RLF: variants seen among roughly 807,000 people sequenced by gnomAD.
RLF encodes zinc finger protein Rlf.
A neutral mutation model predicts 162.9 loss-of-function variants in RLF; 7 were observed. The observed-to-expected ratio is 0.04, with a 90% CI of 0.02 to 0.08. The LOEUF (loss-of-function observed/expected upper bound fraction) is 0.08. Ranked by LOEUF, RLF falls within the 10% of genes least tolerant of loss-of-function variation. The pLI is 1.00. For synonymous variants in RLF, 782 were observed against 791.5 expected, an observed-to-expected ratio of 0.99 and a Z score of 0.20; for missense variants, 1,664 against 2,244.7, an observed-to-expected ratio of 0.74 and a Z score of 5.23.
chr1:40,176,742 C>G (rs1435872282), intron 1 of RLF, among the ~76,000 whole-genome samples: 3 of 152,080 alleles, frequency 2.0e-5, no homozygotes, highest in Non-Finnish European at 2.9e-5. Flanking sequence ...TGTGCCTGGC[C>G]CTAATGACTT....
At chr1:40,221,440 A>T (rs1642992753) in intron 5 of RLF, among the ~76,000 whole-genome samples, 1 of 152,156 alleles carries the variant, frequency 6.6e-6, no homozygotes, top group Non-Finnish European at 1.5e-5. Context: ...ATGACCTCAG[A>T]AGTTAGGAAA....
chr1:40,232,771 C>G (rs1249555411), intron 7 of RLF, among the ~76,000 whole-genome samples: 1 of 152,194 alleles, frequency 6.6e-6, no homozygotes, highest in African/African-American at 2.4e-5. Flanking sequence ...GTGGTGCGAT[C>G]ATAGCTCATT....
At position 40,239,604 on chromosome 1, in the gene RLF, A is replaced by G; in HGVS notation, c.4902A>G (p.Ala1634=). ...GCCATTCCCCGGGTGACAGTAGTGC[A>G]CCCATCCAGAACACTGATTGCTGTC... is the stretch of plus-strand genomic sequence containing the variant. The part of the protein sequence containing the change: ...EHSHSPGDSS[A]PIQNTDCCHS... The change falls in exon 8 of 8, where the codon GCA becomes GCG. Residue 1634 remains alanine (A), a synonymous_variant. Transcript: ENST00000372771. The G allele has an allele frequency of 6.2e-7, 1 of 1,614,178 alleles. No homozygotes were observed. Among genetic ancestry groups the G allele is most frequent in the Non-Finnish European group, 8.5e-7 (1 of 1,180,028 alleles).
intron 6 of RLF, among the ~76,000 whole-genome samples, chr1:40,225,448 G>A (rs780363556): frequency 1.3e-5 from 2 of 150,886 alleles, no homozygotes; most frequent in South Asian, 2.1e-4. Context: ...GCGTGGTGGC[G>A]TGTGCCTGTA....
At chr1:40,208,031 G>A (rs1005600330) in intron 5 of RLF, among the ~76,000 whole-genome samples, 2 of 152,168 alleles carry the variant, frequency 1.3e-5, no homozygotes, top group African/African-American at 4.8e-5. Context: ...ATCAACTAAC[G>A]TATTTTTTCA....
chr1:40,181,826 G>A lies in RLF; in HGVS notation c.238-7229G>A, dbSNP rs141973744. 2.5e-3 allele frequency among the ~76,000 whole-genome samples: 382 copies of A among 152,220 alleles called. 1 individual carries two copies. The highest frequency in any genetic ancestry group is 8.7e-3 in the African/African-American group (363 of 41,522). ...ATTTTCCGGAGCAGAATTTGACACT[G>A]TGTAAAGCCTTAAAAATTATCCACC... On this transcript the variant is annotated intron_variant, in intron 1 of 7. Transcript: ENST00000372771.
Position 40,240,780 on chromosome 1 carries a change from A to T in RLF, c.*333A>T, listed in dbSNP as rs1366198958. On this transcript the variant is annotated 3_prime_UTR_variant, in exon 8 of 8. Transcript: ENST00000372771. ...TATATGGAACAAATACTAAGGTCCC[A>T]GGGTGGGAGGGCTAGGGAAAGGGAT... 1.4e-5 allele frequency: 3 copies of T among 218,712 alleles called. No individual in the cohort carries two copies. The highest frequency in any genetic ancestry group is 1.2e-4 in the East Asian group (1 of 8,436). The allele number at this position is 218,712 out of a possible 1,614,324, so 13.5% of individuals were successfully genotyped here. A position where few individuals can be genotyped will look rare whatever the true frequency, so the allele number is the denominator to read the frequency against.
rs1433393784 is a variant in RLF, at chr1:40,202,642, CTT to C, written c.810+29_810+30del. On this transcript the variant is annotated intron_variant, in intron 5 of 7. Transcript: ENST00000372771. ...GAGTAAATAATTGTTGTCATTCAAACTTGGTATTAATTTAATAGATTTATATA... is the reference window on the plus strand; with the variant it reads ...GAGTAAATAATTGTTGTCATTCAAACGGTATTAATTTAATAGATTTATATA... 2.3e-6 allele frequency: 3 copies of C among 1,301,590 alleles called. No homozygotes were observed. In the African/African-American group the frequency reaches 4.7e-5, roughly 20 times the overall value. The allele number at this position is 1,301,590 out of a possible 1,614,324, so 80.6% of individuals were successfully genotyped here.
At chr1:40,170,674 G>T (rs1050764560) in intron 1 of RLF, among the ~76,000 whole-genome samples, 1 of 152,014 alleles carries the variant, frequency 6.6e-6, no homozygotes, top group Non-Finnish European at 1.5e-5. Context: ...AGCTGACTCT[G>T]ACTGAGCTTT....
chr1:40,167,016 G>A (rs1202505837), intron 1 of RLF, among the ~76,000 whole-genome samples: 2 of 152,012 alleles, frequency 1.3e-5, no homozygotes, highest in African/African-American at 4.8e-5. Flanking sequence ...TAAAAAAAAA[G>A]AAATTACTAT....
At chr1:40,173,791 A>C (rs1642278788) in intron 1 of RLF, among the ~76,000 whole-genome samples, 1 of 152,130 alleles carries the variant, frequency 6.6e-6, no homozygotes, top group Non-Finnish European at 1.5e-5. Context: ...CTGGGATTAT[A>C]GCCGTGAGCC....
intron 4 of RLF, among the ~76,000 whole-genome samples, chr1:40,199,565 A>G (rs982487619): frequency 1.3e-5 from 2 of 152,244 alleles, no homozygotes; most frequent in Non-Finnish European, 2.9e-5. Context: ...CAGTGATTCT[A>G]AAACCTGAAA....
chr1:40,213,990 A>AT (rs765015245), intron 5 of RLF, among the ~76,000 whole-genome samples: 21 of 152,216 alleles, frequency 1.4e-4, no homozygotes, highest in Non-Finnish European at 3.1e-4. Flanking sequence ...TTGCCTGATT[A>AT]TTTTGAAACC....
intron 1 of RLF, among the ~76,000 whole-genome samples, chr1:40,183,530 C>G (rs1642434265): frequency 6.6e-6 from 1 of 152,140 alleles, no homozygotes. Flanking sequence ...ATGACCATGA[C>G]ACAACTTGCT....
intron 1 of RLF, among the ~76,000 whole-genome samples, chr1:40,165,905 C>G (rs1642159449): frequency 6.6e-6 from 1 of 152,182 alleles, no homozygotes; most frequent in African/African-American, 2.4e-5. Flanking sequence ...TTTGATCCCA[C>G]CTTCACCACT....
At position 40,237,411 on chromosome 1, in the gene RLF, C is replaced by T; in HGVS notation, c.2709C>T (p.Ser903=). ...ATTCTAGTGATCAGTTAAGTCATAG[C>T]TCTTCAGCTTCAATGAATGAAGAGC... ...DSNSSDQLSH[S]SSASMNEELI... Residue 903 remains serine, a synonymous_variant, in exon 8 of 8, where the codon AGC becomes AGT. Transcript: ENST00000372771. This position sits in a 1 kb window ranked among gnomAD's most constrained non-coding sequence, Gnocchi z 4.4. The T allele has an allele frequency of 1.2e-6, 2 of 1,614,008 alleles. No individual in the cohort carries two copies. The highest frequency in any genetic ancestry group is 2.2e-5 in the East Asian group (1 of 44,874).
chr1:40,165,361 A>G (rs1175669794), intron 1 of RLF, among the ~76,000 whole-genome samples: 1 of 152,166 alleles, frequency 6.6e-6, no homozygotes, highest in African/African-American at 2.4e-5. Flanking sequence ...TAATTTTGGG[A>G]AAGATGATTT....
At position 40,240,270 on chromosome 1, in the gene RLF, C is replaced by T. The variant is rs759354966; in HGVS notation, c.5568C>T (p.Ser1856=). The change falls in exon 8 of 8, where the codon TCC becomes TCT. Residue 1856 remains serine (S), a synonymous_variant. Coordinates refer to ENST00000372771, the MANE Select transcript of RLF (RefSeq NM_012421.4). Reference sequence around the variant, plus strand: ...TAGCTGAAACAACAACAGTTCCTTCCTTGGAAAACCTGAGGGTTGTATTGG... The same window carrying T: ...TAGCTGAAACAACAACAGTTCCTTCTTTGGAAAACCTGAGGGTTGTATTGG... ...LIVAETTTVP[S]LENLRVVLDK... The T allele has an allele frequency of 1.9e-6, 3 of 1,614,160 alleles. No homozygotes were observed. Among genetic ancestry groups the T allele is most frequent in the African/African-American group, 1.3e-5 (1 of 75,032 alleles).
intron 5 of RLF, among the ~76,000 whole-genome samples, chr1:40,207,952 C>T (rs1642818535): frequency 6.6e-6 from 1 of 152,150 alleles, no homozygotes; most frequent in South Asian, 2.1e-4. Flanking sequence ...AAGATACTTC[C>T]CAGTGGCCAA....
Sources: gnomAD v4.1 joint callset for allele counts (sites outside exome capture counted in the v4.1 genomes callset) on GRCh38, gnomAD v4.1.1 for gene constraint, Gnocchi (gnomAD v3.1) non-coding constraint, MANE v1.5 for transcripts, NCBI Gene and HGNC (gene_info 2026-07-23, HGNC 2026-07-21) for gene names.